The following TENM1 variants were observed in gnomAD, a reference collection of about 807,000 sequenced individuals.
TENM1 encodes teneurin-1.
In TENM1, 35 loss-of-function variants were observed where a neutral mutation model predicts 174.8. That is an observed-to-expected ratio of 0.20 (90% CI 0.15 to 0.27). The LOEUF (loss-of-function observed/expected upper bound fraction) is 0.27, where lower values mean the gene tolerates loss of function less well. TENM1 is among the 10% of genes least tolerant of loss of function. TENM1 has a pLI of 1.00. For synonymous variants in TENM1, 781 were observed against 798.7 expected, an observed-to-expected ratio of 0.98 and a Z score of 0.37; for missense variants, 1,633 against 2,130.1, an observed-to-expected ratio of 0.77 and a Z score of 4.59.
intron 1 of TENM1, among the ~76,000 whole-genome samples, chrX:124,919,827 T>C (rs2057991628): frequency 9.0e-6 from 1 of 111,544 alleles, no homozygotes; most frequent in Non-Finnish European, 1.9e-5. Context: ...TGAGGGTAGC[T>C]ACCAGGGGCT....
At chrX:124,827,615 G>A (rs1227735490) in intron 3 of TENM1, among the ~76,000 whole-genome samples, 1 of 111,208 alleles carries the variant, frequency 9.0e-6, no homozygotes, top group Non-Finnish European at 1.9e-5. Context: ...CCTTCCCTGT[G>A]GTCAAGGTTC....
chrX:125,035,877 T>C, the TENM1 span, among the ~76,000 whole-genome samples: 2 of 110,742 alleles, frequency 1.8e-5, no homozygotes, highest in East Asian at 5.7e-4. Flanking sequence ...AGGTGTGCTG[T>C]CCTATTGTGA....
rs773761646 is a variant in TENM1, at chrX:124,423,122, CAA to C, written c.4105-486_4105-485del. Among the ~76,000 whole-genome samples the C allele has an allele frequency of 2.8e-3, 311 of 112,289 alleles. 1 individual carries two copies. Among genetic ancestry groups the C allele is most frequent in the African/African-American group, 9.1e-3 (281 of 30,905 alleles). On this transcript the variant is annotated intron_variant, in intron 23 of 31. Coordinates refer to ENST00000422452, the Ensembl canonical transcript of TENM1. ...ACTGTCCTGTAGACGTATAGGAGAG[CAA>C]AGTCATACAGGTTTCTGGGTGACAG...
At chrX:124,510,177 T>A (rs1026538530) in intron 18 of TENM1, among the ~76,000 whole-genome samples, 4 of 108,037 alleles carry the variant, frequency 3.7e-5, no homozygotes, top group Non-Finnish European at 5.7e-5. Context: ...TACTCCAGTT[T>A]GATAGATATC....
chrX:124,729,973 G>A (rs372507639), intron 4 of TENM1, among the ~76,000 whole-genome samples: 57 of 111,368 alleles, frequency 5.1e-4, no homozygotes, highest in Middle Eastern at 9.2e-3. Context: ...CGGTTCAAGC[G>A]ATTCTCCTGA....
the TENM1 span, among the ~76,000 whole-genome samples, chrX:125,047,884 C>G: frequency 9.0e-6 from 1 of 111,014 alleles, no homozygotes; most frequent in Non-Finnish European, 1.9e-5. Flanking sequence ...CCTTTTGACA[C>G]TCCCCTAAAT....
the TENM1 span, among the ~76,000 whole-genome samples, chrX:125,044,772 G>T: frequency 9.0e-6 from 1 of 110,990 alleles, no homozygotes; most frequent in Non-Finnish European, 1.9e-5. Flanking sequence ...TGAACCATCT[G>T]AAAGAATGGA....
the TENM1 span, among the ~76,000 whole-genome samples, chrX:124,981,943 A>G: frequency 4.4e-5 from 2 of 45,521 alleles, no homozygotes; most frequent in East Asian, 8.4e-4. Context: ...GTACCCTAAA[A>G]CTTAGAGTAT....
intron 11 of TENM1, among the ~76,000 whole-genome samples, chrX:124,584,584 C>A (rs1033894965): frequency 9.0e-6 from 1 of 111,359 alleles, no homozygotes; most frequent in Non-Finnish European, 1.9e-5. Context: ...CAAAATCAAG[C>A]CAAAACGTAA....
intron 17 of TENM1, 92 bp downstream of exon 20, chrX:124,523,272 T>G: frequency 1.1e-6 from 1 of 950,088 alleles, no homozygotes; most frequent in South Asian, 2.4e-5. Context: ...ATAAGGATGG[T>G]AACAAGAATA....
the TENM1 span, among the ~76,000 whole-genome samples, chrX:125,148,445 A>C: frequency 9.0e-6 from 1 of 111,223 alleles, no homozygotes; most frequent in African/African-American, 3.3e-5. Context: ...CCAGCTTCTT[A>C]AAACCCATCC....
Position 124,497,284 on chromosome X carries a change from A to G in TENM1, c.3446-19T>C. On this transcript the variant is annotated intron_variant, in intron 19 of 31. Transcript: ENST00000422452. ...ATGATTCCTAGATTCAAGGAAAACA[A>G]AAAGAGAATTTAAGAAAAGCAATTA... 1 of 1,185,870 alleles carries G rather than the reference A, an allele frequency of 8.4e-7. No homozygotes were observed. Among genetic ancestry groups the G allele is most frequent in the Non-Finnish European group, 1.1e-6 (1 of 878,003 alleles).
chrX:124,629,188 T>G (rs2050703588), intron 11 of TENM1, among the ~76,000 whole-genome samples: 1 of 112,519 alleles, frequency 8.9e-6, no homozygotes, highest in Admixed American at 9.4e-5. Flanking sequence ...GAATGTAAAT[T>G]TTCCTTGAAT....
the TENM1 span, among the ~76,000 whole-genome samples, chrX:125,163,742 A>G: frequency 1.8e-5 from 2 of 111,552 alleles, no homozygotes; most frequent in South Asian, 7.4e-4. Flanking sequence ...CTATTAATAT[A>G]ATTTTTAATT....
At chrX:124,791,199 A>T (rs2055171834) in intron 3 of TENM1, among the ~76,000 whole-genome samples, 1 of 112,139 alleles carries the variant, frequency 8.9e-6, no homozygotes, top group South Asian at 3.6e-4. Context: ...TTTTAGTCCT[A>T]TTCACATATG....
chrX:125,090,032 G>A, the TENM1 span, among the ~76,000 whole-genome samples: 5 of 111,508 alleles, frequency 4.5e-5, no homozygotes, highest in East Asian at 8.5e-4. Flanking sequence ...AAAAGCCTCA[G>A]CTAGTGTGTG....
chrX:124,682,768 G>A (rs1335748030), intron 5 of TENM1, among the ~76,000 whole-genome samples: 2 of 110,172 alleles, frequency 1.8e-5, no homozygotes, highest in African/African-American at 6.6e-5. Context: ...CCAAATTGAA[G>A]GACATTAAAA....
intron 11 of TENM1, among the ~76,000 whole-genome samples, chrX:124,638,938 A>C (rs755213436): frequency 7.0e-4 from 77 of 110,228 alleles, no homozygotes; most frequent in African/African-American, 2.3e-3. Context: ...GTCTGTTTCC[A>C]CCTCACCATT....
intron 22 of TENM1, among the ~76,000 whole-genome samples, chrX:124,467,306 T>C (rs1414143705): frequency 1.8e-5 from 2 of 112,005 alleles, no homozygotes; most frequent in East Asian, 5.6e-4. Context: ...TTTGAGTTAT[T>C]AAGCCTGTGA....
Sources: allele counts gnomAD v4.1 joint callset (sites outside exome capture counted in the v4.1 genomes callset), GRCh38; gene constraint gnomAD v4.1.1; transcripts MANE v1.5; gene names NCBI Gene and HGNC (gene_info 2026-07-23, HGNC 2026-07-21).